Variants in ACTR8 observed in about 807,000 individuals in gnomAD.
ACTR8 encodes the protein actin-related protein 8.
Under a neutral mutation model 84.3 loss-of-function variants are expected in ACTR8, and 70 were observed. That is an observed-to-expected ratio of 0.83 (90% CI 0.68 to 1.01). The LOEUF is 1.01. Among genes scored for constraint, ACTR8 ranks in the 50% least tolerant of loss-of-function variants. The probability of loss-of-function intolerance (pLI) is 0.00; values close to 1 mark genes in which losing one functional copy is unlikely to be tolerated. For synonymous variants in ACTR8, 268 were observed against 275.2 expected (o/e 0.97, Z 0.26); for missense variants, 672 against 775.4 (o/e 0.87, Z 1.58).
rs1699880632 is a variant in ACTR8, at chr3:53,871,364, C to A, written c.1435G>T (p.Asp479Tyr). 1.9e-6 allele frequency: 3 copies of A among 1,614,260 alleles called. No individual in the cohort carries two copies. Among genetic ancestry groups the A allele is most frequent in the Non-Finnish European group, 2.5e-6 (3 of 1,180,044 alleles). Residue 479 changes from aspartate to tyrosine, a missense_variant, in exon 11 of 13, where the codon GAT (aspartate) becomes TAT (tyrosine). Coordinates refer to ENST00000335754, the MANE Select transcript of ACTR8 (RefSeq NM_022899.5). ...QEVDLGSAQG[D>Y]GLMAGNDSEE... ...GAATCGTTGCCGGCCATCAGGCCAT[C>A]TCCCTGTGCAGACCCCAAATCTACC...
chr3:53,877,512 C>T lies in ACTR8; in HGVS notation c.511-125G>A, dbSNP rs369320796. 31 of 1,305,560 alleles carry T rather than the reference C, an allele frequency of 2.4e-5. No individual in the cohort carries two copies. In the African/African-American group the frequency reaches 3.3e-4, roughly 14 times the overall value. 80.9% of individuals were successfully genotyped at this position (1,305,560 alleles called of 1,614,324 possible). ...GAAATGTTGAGAGTGAAGTAGGAGT[C>T]GGTGTGACTATCTGGTACTCAAAGC... On this transcript the variant is annotated intron_variant, in intron 4 of 12. Coordinates refer to ENST00000335754, the MANE Select transcript of ACTR8 (RefSeq NM_022899.5).
intron 10 of ACTR8, among the ~76,000 whole-genome samples, 182 bp downstream of exon 10, chr3:53,872,202 G>C (rs1699892841): frequency 6.6e-6 from 1 of 152,210 alleles, no homozygotes; most frequent in Admixed American, 6.5e-5. Flanking sequence ...ATTAATGTTT[G>C]CTGAATAGAG....
Position 53,881,963 on chromosome 3 carries a change from C to G in ACTR8, c.123+16G>C, listed in dbSNP as rs543524890. 13 of 1,555,356 alleles carry G rather than the reference C, an allele frequency of 8.4e-6. No homozygotes were observed. The East Asian group carries it at 2.7e-4, about 32-fold the overall frequency. ...CCAAGCAAGGGCAAAGAGTTCCAAC[C>G]CAGCCAGAGCCGCACCTCTTGCAGC... On this transcript the variant is annotated intron_variant, in intron 1 of 12. Transcript: ENST00000335754.
intron 4 of ACTR8, 30 bp downstream of exon 4, chr3:53,877,617 C>T (rs1266502565): frequency 3.1e-6 from 5 of 1,592,878 alleles, no homozygotes; most frequent in Non-Finnish European, 4.3e-6. Flanking sequence ...GCTTCCCCTT[C>T]TTTCATTCTA....
intron 12 of ACTR8, among the ~76,000 whole-genome samples, chr3:53,869,611 C>A (rs1160231290): frequency 1.3e-5 from 2 of 152,154 alleles, no homozygotes; most frequent in East Asian, 3.8e-4. Flanking sequence ...CCAAAAAGAT[C>A]CTTAAAGATC....
intron 5 of ACTR8, 23 bp downstream of exon 5, chr3:53,877,191 A>T: frequency 6.4e-7 from 1 of 1,573,188 alleles, no homozygotes; most frequent in Non-Finnish European, 8.6e-7. Flanking sequence ...AAACAATCCA[A>T]ATAACTGAGG....
At chr3:53,864,663 G>C (rs150670988), downstream of ACTR8, 2,796 of 1,031,796 alleles carry the variant, frequency 2.7e-3, 9 homozygotes, top group Middle Eastern at 0.014. Flanking sequence ...CTCTAGCAAG[G>C]GATCATTTGT....
In ACTR8 at chr3:53,877,288, C is replaced by G. The variant is rs1468549300; in HGVS notation, c.610G>C (p.Val204Leu). The part of the protein sequence containing the change: ...HPGPGGSLTA[V>L]LADIEVIWSH... ...CATATTACTTCAATATCTGCCAGAA[C>G]AGCTGTAAGAGAGCCCCCAGGGCCT... Residue 204 changes from valine to leucine, a missense_variant, in exon 5 of 13, where the codon GTT becomes CTT. Coordinates refer to ENST00000335754, the MANE Select transcript of ACTR8 (RefSeq NM_022899.5). 7 of 1,614,034 alleles carry G rather than the reference C, an allele frequency of 4.3e-6. No homozygotes were observed. Among genetic ancestry groups the G allele is most frequent in the South Asian group, 1.1e-5 (1 of 91,062 alleles).
At chr3:53,860,243 T>C in the ACTR8 span, 1 of 1,580,452 alleles carries the variant, frequency 6.3e-7, no homozygotes. Context: ...GGGTTATAAT[T>C]CTTTAAAGAC....
At chr3:53,868,908 T>C (rs1027524357) in intron 12 of ACTR8, 46 bp from the exon 13 acceptor site, 4 of 1,581,348 alleles carry the variant, frequency 2.5e-6, no homozygotes, top group Middle Eastern at 1.7e-4. Flanking sequence ...ATAAGACATA[T>C]ACTCAATCAT....
rs984185916 is a variant in ACTR8, at chr3:53,876,538, TAA to T, written c.778+80_778+81del. On this transcript the variant is annotated intron_variant, in intron 6 of 12. Coordinates refer to ENST00000335754, the MANE Select transcript of ACTR8 (RefSeq NM_022899.5). ...TGTCTCAAATAAATAAATAAATAAATAAGTCAGTAAATAAGATTAACTCTGTC... is the reference window on the plus strand; with the variant it reads ...TGTCTCAAATAAATAAATAAATAAATGTCAGTAAATAAGATTAACTCTGTC... 7.5e-6 allele frequency: 6 copies of T among 799,904 alleles called. No homozygotes were observed. In the Admixed American group the frequency reaches 1.0e-4, roughly 14 times the overall value. 49.6% of individuals were successfully genotyped at this position (799,904 alleles called of 1,614,324 possible).
chr3:53,869,123 T>C (rs897572617), intron 12 of ACTR8, among the ~76,000 whole-genome samples: 1 of 152,208 alleles, frequency 6.6e-6, no homozygotes, highest in African/African-American at 2.4e-5. Context: ...CTACTAAAAA[T>C]ACAAAAAATT....
In ACTR8 at chr3:53,867,479, T is replaced by A. The variant is rs769696816; in HGVS notation, c.*1240A>T. 2.0e-5 allele frequency: 3 copies of A among 152,238 alleles called. No individual in the cohort carries two copies. Among genetic ancestry groups the A allele is most frequent in the Non-Finnish European group, 2.9e-5 (2 of 68,040 alleles). 9.4% of individuals were successfully genotyped at this position (152,238 alleles called of 1,614,324 possible). ...TGAGCAGTTACAGAGGGTACTCCCA[T>A]TGATACAAAATGCTCAGGTACCGGC... On this transcript the variant is annotated 3_prime_UTR_variant, in exon 13 of 13. Coordinates refer to ENST00000335754, the MANE Select transcript of ACTR8 (RefSeq NM_022899.5).
At chr3:53,862,540 G>A (rs1473969727), downstream of ACTR8, among the ~76,000 whole-genome samples, 4 of 152,202 alleles carry the variant, frequency 2.6e-5, no homozygotes, top group Non-Finnish European at 4.4e-5. Context: ...GGCAAAAAAG[G>A]TGGGGGGTGA....
chr3:53,863,138 C>T (rs913830952), downstream of ACTR8, among the ~76,000 whole-genome samples: 3 of 152,166 alleles, frequency 2.0e-5, no homozygotes, highest in African/African-American at 7.2e-5. Flanking sequence ...GCACATAATA[C>T]ACATAACATG....
At chr3:53,869,072 G>A (rs534282384) in intron 12 of ACTR8, among the ~76,000 whole-genome samples, 2 of 152,342 alleles carry the variant, frequency 1.3e-5, no homozygotes, top group Non-Finnish European at 2.9e-5. Flanking sequence ...ACGAGATCAG[G>A]AGATCAAGAC....
rs1162299568 is a variant in ACTR8 at position 53,876,534 on chromosome 3, T to C, written c.778+86A>G. The C allele has an allele frequency of 5.1e-6, 4 of 788,434 alleles. No homozygotes were observed. In the African/African-American group the frequency reaches 7.2e-5, roughly 14 times the overall value. 48.8% of individuals were successfully genotyped at this position (788,434 alleles called of 1,614,324 possible). A position where few individuals can be genotyped will look rare whatever the true frequency, so the allele number is the denominator to read the frequency against. Reference sequence around the variant, plus strand: ...ACTCTGTCTCAAATAAATAAATAAATAAATAAGTCAGTAAATAAGATTAAC... The same window carrying C: ...ACTCTGTCTCAAATAAATAAATAAACAAATAAGTCAGTAAATAAGATTAAC... On this transcript the variant is annotated intron_variant, in intron 6 of 12. Transcript: ENST00000335754.
In ACTR8 at chr3:53,868,571, G is replaced by A. The variant is rs1415812303; in HGVS notation, c.*148C>T. On this transcript the variant is annotated 3_prime_UTR_variant, in exon 13 of 13. Transcript: ENST00000335754. ...AAGCAGTTTATATTTTCAAACCAATGTCATGTCCTCAACATAAAGTTCAAA... is the reference window on the plus strand; with the variant it reads ...AAGCAGTTTATATTTTCAAACCAATATCATGTCCTCAACATAAAGTTCAAA... 5 of 1,239,256 alleles carry A rather than the reference G, an allele frequency of 4.0e-6. No homozygotes were observed. Among genetic ancestry groups the A allele is most frequent in the Middle Eastern group, 2.4e-4 (1 of 4,174 alleles). The allele number at this position is 1,239,256 out of a possible 1,614,324, so 76.8% of individuals were successfully genotyped here.
rs1380961338 is a variant in ACTR8 at position 53,878,385 on chromosome 3, G to A, written c.377C>T (p.Thr126Ile). ...TTCAGGGGACACAGGAATGCGTCTT[G>A]TACCATTGGACATCTTTTTAGACCA... ...AIWSKKMSNG[T>I]RRIPVSPEQA... is the part of the protein sequence containing the mutation. Residue 126 changes from threonine to isoleucine, a missense_variant, in exon 3 of 13, where the codon ACA becomes ATA. Coordinates refer to ENST00000335754, the MANE Select transcript of ACTR8 (RefSeq NM_022899.5). 3 of 1,613,012 alleles carry A rather than the reference G, an allele frequency of 1.9e-6. No homozygotes were observed. Among genetic ancestry groups the A allele is most frequent in the African/African-American group, 2.7e-5 (2 of 74,910 alleles).
Sources: allele counts gnomAD v4.1 joint callset (sites outside exome capture counted in the v4.1 genomes callset), GRCh38; gene constraint gnomAD v4.1.1; transcripts MANE v1.5; gene names NCBI Gene and HGNC (gene_info 2026-07-23, HGNC 2026-07-21).